Variants in TNFRSF21 observed in about 807,000 individuals in gnomAD.
The protein encoded by TNFRSF21 is TNF receptor superfamily member 21, also known as tumor necrosis factor receptor superfamily member 21.
In TNFRSF21, 19 loss-of-function variants were observed where a neutral mutation model predicts 45.6. The ratio of observed to expected loss-of-function variants is 0.42; its 90% confidence interval spans 0.29 to 0.61. TNFRSF21 has a LOEUF of 0.61. TNFRSF21 is among the 20% of genes least tolerant of loss of function. The probability of loss-of-function intolerance (pLI) is 0.23; values close to 1 mark genes in which losing one functional copy is unlikely to be tolerated. For synonymous variants in TNFRSF21, 314 were observed against 335.5 expected, an observed-to-expected ratio of 0.94 and a Z score of 0.70; for missense variants, 737 against 851.5, an observed-to-expected ratio of 0.87 and a Z score of 1.67.
At position 47,261,305 on chromosome 6, in the gene TNFRSF21, C is replaced by T. The variant is rs894422431; in HGVS notation, c.1244-7784G>A. Among the ~76,000 whole-genome samples, 43 of 152,216 alleles carry T rather than the reference C, an allele frequency of 2.8e-4. 1 individual carries two copies. The highest frequency in any genetic ancestry group is 1.9e-4 in the Non-Finnish European group (13 of 68,034). ...TACAATGGTCTTGTCCTCCAAGATG[C>T]CTTTGAGGCCAAGCCCAAGACCACA... On this transcript the variant is annotated intron_variant, in intron 3 of 5. Transcript: ENST00000296861.
intron 4 of TNFRSF21, among the ~76,000 whole-genome samples, chr6:47,249,269 C>CAA (rs1764867431): frequency 6.6e-6 from 1 of 152,186 alleles, no homozygotes; most frequent in South Asian, 2.1e-4. Context: ...TGTTATAATA[C>CAA]TGTGCACAAA....
At chr6:47,281,876 C>T (rs1201595980) in intron 3 of TNFRSF21, among the ~76,000 whole-genome samples, 1 of 151,696 alleles carries the variant, frequency 6.6e-6, no homozygotes, top group Non-Finnish European at 1.5e-5. Context: ...GAAGCTTTCC[C>T]CAGACAGGCT....
At chr6:47,262,405 T>G (rs1415021681) in intron 3 of TNFRSF21, among the ~76,000 whole-genome samples, 1 of 152,236 alleles carries the variant, frequency 6.6e-6, no homozygotes, top group African/African-American at 2.4e-5. Flanking sequence ...CAACAAAAAT[T>G]TACTGAGCGT....
At chr6:47,266,792 T>G (rs976429780) in intron 3 of TNFRSF21, among the ~76,000 whole-genome samples, 2 of 152,238 alleles carry the variant, frequency 1.3e-5, no homozygotes, top group African/African-American at 4.8e-5. Flanking sequence ...ATTATAAATA[T>G]TTGAATCCAA....
chr6:47,308,218 A>G (rs1005500846), intron 1 of TNFRSF21, among the ~76,000 whole-genome samples: 1 of 152,244 alleles, frequency 6.6e-6, no homozygotes, highest in Non-Finnish European at 1.5e-5. Flanking sequence ...ACAAGGAACC[A>G]GAGTGTCTGT....
intron 3 of TNFRSF21, among the ~76,000 whole-genome samples, chr6:47,282,155 G>A (rs1179359131): frequency 1.3e-5 from 2 of 152,160 alleles, no homozygotes; most frequent in Admixed American, 1.3e-4. Context: ...GGAGGCCGAG[G>A]CGGGCGGATC....
intron 1 of TNFRSF21, among the ~76,000 whole-genome samples, chr6:47,293,631 C>T (rs1169755067): frequency 6.6e-6 from 1 of 152,238 alleles, no homozygotes; most frequent in Non-Finnish European, 1.5e-5. Context: ...CAAGAATCGT[C>T]AGACCTCTGA....
chr6:47,243,892 T>C (rs1225449434), intron 4 of TNFRSF21, among the ~76,000 whole-genome samples: 1 of 152,098 alleles, frequency 6.6e-6, no homozygotes. Context: ...ACTCTTTTGC[T>C]ATTACACATG....
intron 3 of TNFRSF21, among the ~76,000 whole-genome samples, chr6:47,271,728 TAA>T (rs759598835): frequency 1.4e-5 from 2 of 147,012 alleles, no homozygotes; most frequent in Non-Finnish European, 2.9e-5. Flanking sequence ...GCAAATTGGA[TAA>T]AGAGTCAAGA....
At position 47,234,648 on chromosome 6, in the gene TNFRSF21, AG is replaced by A. The variant is rs766368987; in HGVS notation, c.1738+21del. The A allele has an allele frequency of 5.6e-4, 883 of 1,579,114 alleles. 4 individuals are homozygous for A. Among genetic ancestry groups the A allele is most frequent in the Non-Finnish European group, 7.0e-4 (813 of 1,157,632 alleles). ...TTTGGGGGGTTTAAGTGCGTGTGTG[AG>A]GTCTGCTGCGATGCCCGTACCTTTG... On this transcript the variant is annotated intron_variant, in intron 5 of 5. Transcript: ENST00000296861.
intron 3 of TNFRSF21, among the ~76,000 whole-genome samples, chr6:47,281,419 G>A (rs1341887950): frequency 2.0e-5 from 3 of 147,622 alleles, no homozygotes; most frequent in Admixed American, 2.0e-4. Context: ...CTCACTCTGT[G>A]GCCCAGGCCG....
intron 1 of TNFRSF21, among the ~76,000 whole-genome samples, chr6:47,296,227 T>C (rs1762787583): frequency 1.3e-5 from 2 of 152,160 alleles, no homozygotes; most frequent in Non-Finnish European, 2.9e-5. Flanking sequence ...GAAAAGCATG[T>C]GAACCAAGGC....
At position 47,286,562 on chromosome 6, in the gene TNFRSF21, CTGGCTGAGCTG is replaced by C; in HGVS notation, c.119_129del (p.Thr40ArgfsTer15). On this transcript the variant is annotated frameshift_variant, in exon 2 of 6. Transcript: ENST00000296861. LOFTEE classifies it high-confidence loss of function. ...CCAATGAGATTCGAGGCCTTCTGTT[CTGGCTGAGCTG>C]TGGTGGTGCTAAGGAATCCAAGCTG... The C allele has an allele frequency of 6.2e-7, 1 of 1,610,028 alleles. No individual in the cohort carries two copies. The highest frequency in any genetic ancestry group is 8.5e-7 in the Non-Finnish European group (1 of 1,176,710).
In TNFRSF21 at chr6:47,252,092, C is replaced by A. The variant is rs866873032; in HGVS notation, c.1509+1164G>T. ...TTACATCAATTGTCAAGAATTACTG[C>A]GCTATCAGTATAAAAAGATAAAAGC... On this transcript the variant is annotated intron_variant, in intron 4 of 5. Transcript: ENST00000296861. Among the ~76,000 whole-genome samples the A allele has an allele frequency of 6.6e-5, 10 of 152,182 alleles. No homozygotes were observed. The South Asian group carries it at 8.3e-4, about 13-fold the overall frequency.
intron 4 of TNFRSF21, among the ~76,000 whole-genome samples, chr6:47,243,901 T>C (rs936139770): frequency 6.6e-6 from 1 of 151,514 alleles, no homozygotes; most frequent in Non-Finnish European, 1.5e-5. Flanking sequence ...CTATTACACA[T>C]GACACTACAA....
intron 4 of TNFRSF21, among the ~76,000 whole-genome samples, chr6:47,244,218 G>A (rs187384880): frequency 2.0e-4 from 30 of 151,986 alleles, no homozygotes; most frequent in Admixed American, 2.0e-3. Flanking sequence ...CAGCTACTCG[G>A]GAGGCAGAGG....
intron 4 of TNFRSF21, among the ~76,000 whole-genome samples, chr6:47,242,481 T>C (rs74479257): frequency 0.014 from 2,168 of 152,246 alleles, 49 homozygotes; most frequent in African/African-American, 0.047. Context: ...CCACCCCCAT[T>C]TAAGTCAAAG....
intron 4 of TNFRSF21, among the ~76,000 whole-genome samples, chr6:47,241,214 A>G (rs1582315294): frequency 6.6e-6 from 1 of 152,338 alleles, no homozygotes; most frequent in East Asian, 1.9e-4. Flanking sequence ...CCAGGATTTC[A>G]GATATAAATA....
At chr6:47,281,651 GATTA>G (rs1762569414) in intron 3 of TNFRSF21, among the ~76,000 whole-genome samples, 1 of 152,118 alleles carries the variant, frequency 6.6e-6, no homozygotes, top group African/African-American at 2.4e-5. Context: ...AAAGTGCTGG[GATTA>G]CAGGCATGAG....
Sources: allele counts gnomAD v4.1 joint callset (sites outside exome capture counted in the v4.1 genomes callset), GRCh38; gene constraint gnomAD v4.1.1; transcripts MANE v1.5; gene names NCBI Gene and HGNC (gene_info 2026-07-23, HGNC 2026-07-21).